NEB: variants seen among roughly 807,000 people sequenced by gnomAD.
NEB encodes the protein nebulin.
A neutral mutation model predicts 952.2 loss-of-function variants in NEB; 512 were observed. The ratio of observed to expected loss-of-function variants is 0.54; its 90% CI spans 0.50 to 0.58. The LOEUF is 0.58. Among genes scored for constraint, NEB ranks in the 20% least tolerant of loss-of-function variants. NEB has a pLI of 0.00. For missense variants in NEB, 8,428 were observed against 9,231.1 expected, an observed-to-expected ratio of 0.91 and a Z score of 3.56; for synonymous variants, 2,900 against 3,149.8, an observed-to-expected ratio of 0.92 and a Z score of 2.66.
intron 161 of NEB, among the ~76,000 whole-genome samples, chr2:151,512,019 C>CTTTTTTTTTTTT (rs71403173): frequency 8.5e-5 from 8 of 93,584 alleles, no homozygotes; most frequent in South Asian, 3.7e-4. Flanking sequence ...CCCTCTCACT[C>CTTTTTTTTTTTT]TTTTTTTTTT....
intron 142 of NEB, 123 bp from the exon 143 acceptor site, chr2:151,533,669 A>T: frequency 1.6e-6 from 1 of 636,940 alleles, no homozygotes. Context: ...GTACTCACAT[A>T]TGTGCGGGTG....
chr2:151,702,212 T>C (rs1003877332), intron 13 of NEB, among the ~76,000 whole-genome samples: 4 of 151,516 alleles, frequency 2.6e-5, no homozygotes, highest in African/African-American at 9.7e-5. Flanking sequence ...CTAGTTTGAT[T>C]GCACTGTGGT....
intron 41 of NEB, 74 bp downstream of exon 41, chr2:151,666,016 G>T: frequency 7.0e-7 from 1 of 1,431,852 alleles, no homozygotes. Flanking sequence ...GCCAGGTGTG[G>T]GATGGAGTAA....
At chr2:151,558,951 A>G (rs568248456) in intron 124 of NEB, among the ~76,000 whole-genome samples, 6 of 152,128 alleles carry the variant, frequency 3.9e-5, no homozygotes, top group Non-Finnish European at 7.4e-5. Context: ...GAATCTAATT[A>G]AACTAAAGAA....
chr2:151,714,889 T>C (rs913570686), intron 10 of NEB, among the ~76,000 whole-genome samples: 1 of 152,220 alleles, frequency 6.6e-6, no homozygotes, highest in Non-Finnish European at 1.5e-5. Flanking sequence ...TTGGCAGCCC[T>C]GTGCCTCCCT....
chr2:151,644,608 C>G, intron 55 of NEB, 33 bp from the exon 56 acceptor site: 1 of 1,525,350 alleles, frequency 6.6e-7, no homozygotes, highest in Non-Finnish European at 9.1e-7. Flanking sequence ...TTGGGAAATA[C>G]TGTTCCCCAT....
chr2:151,684,924 G>C lies in NEB; in HGVS notation c.2689C>G (p.Leu897Val), dbSNP rs1202984397. Residue 897 changes from leucine (L) to valine (V), a missense_variant, in exon 28 of 182, where the codon CTT (leucine) becomes GTT (valine). Coordinates refer to ENST00000397345, the MANE Select transcript of NEB (RefSeq NM_001164508.2). ...EKSKTIYTAP[L>V]DMLQVTQAKK... The stretch of plus-strand genomic sequence containing the variant: ...GCTTGAGTGACTTGGAGCATATCAA[G>C]AGGTGCCGTGTAGATAGTTTTTGAC... 3 of 1,613,000 alleles carry C rather than the reference G, an allele frequency of 1.9e-6. No individual in the cohort carries two copies. Among genetic ancestry groups the C allele is most frequent in the Non-Finnish European group, 2.5e-6 (3 of 1,179,548 alleles).
At position 151,677,640 on chromosome 2, in the gene NEB, G is replaced by A. The variant is rs747472693; in HGVS notation, c.3699C>T (p.Asp1233=). ...CCACAATGCTGGTAAATTTGAGGGT[G>A]TCTGGATGTTGCCTGTACTTCTTTT... ...LNEKKYRQHP[D]TLKFTSIVDS... The change falls in exon 34 of 182, where the codon GAC becomes GAT. Residue 1233 remains aspartate, a synonymous_variant. Transcript: ENST00000397345. 4 of 1,613,858 alleles carry A rather than the reference G, an allele frequency of 2.5e-6. No individual in the cohort carries two copies. Among genetic ancestry groups the A allele is most frequent in the African/African-American group, 1.3e-5 (1 of 74,912 alleles).
chr2:151,635,989 T>A (rs907680667), intron 64 of NEB, among the ~76,000 whole-genome samples: 1 of 152,200 alleles, frequency 6.6e-6, no homozygotes, highest in Non-Finnish European at 1.5e-5. Context: ...CATGAATGAA[T>A]CTTTCTCTAT....
At chr2:151,517,883 G>A (rs926693955) in intron 156 of NEB, among the ~76,000 whole-genome samples, 4 of 152,104 alleles carry the variant, frequency 2.6e-5, no homozygotes, top group African/African-American at 7.2e-5. Context: ...AACATCATGC[G>A]GTATATGACT....
intron 129 of NEB, among the ~76,000 whole-genome samples, chr2:151,550,083 A>C (rs2095186730): frequency 1.3e-5 from 2 of 152,052 alleles, no homozygotes; most frequent in Non-Finnish European, 2.9e-5. Context: ...CCTGGACAAC[A>C]TAGCAAGATC....
At position 151,548,524 on chromosome 2, in the gene NEB, T is replaced by C. The variant is rs367690280; in HGVS notation, c.20050-109A>G. ...CCTTTATTTGAAAAATTGCTCTTTT[T>C]AAGGATTAAGTATGTAGAAAAGTCA... On this transcript the variant is annotated intron_variant, in intron 130 of 181. Coordinates refer to ENST00000397345, the MANE Select transcript of NEB (RefSeq NM_001164508.2). 357 of 772,162 alleles carry C rather than the reference T, an allele frequency of 4.6e-4. 4 individuals are homozygous for C. In the South Asian group the frequency reaches 5.4e-3, roughly 12 times the overall value. The allele number at this position is 772,162 out of a possible 1,614,324, so 47.8% of individuals were successfully genotyped here. A position where few individuals can be genotyped will look rare whatever the true frequency, so the allele number is the denominator to read the frequency against.
chr2:151,518,972 G>A lies in NEB; in HGVS notation c.22688C>T (p.Ala7563Val), dbSNP rs1413510724. ...MNHVLNTSQL[A>V]SSYQYKKKYE... ...GCAAATGACTGAGCTTACAGAACTG[G>A]CAAGTTGGCTTGTATTCAGGACATG... The change falls in exon 155 of 182, where the codon GCC becomes GTC. Residue 7563 changes from alanine to valine, a missense_variant. Ala to Val is a moderately conservative substitution (Grantham distance 64). Transcript: ENST00000397345. 1.9e-6 allele frequency: 3 copies of A among 1,609,448 alleles called. No homozygotes were observed. Among genetic ancestry groups the A allele is most frequent in the Non-Finnish European group, 2.6e-6 (3 of 1,175,972 alleles).
At chr2:151,726,955 T>C (rs1045081247) in intron 5 of NEB, among the ~76,000 whole-genome samples, 11 of 150,680 alleles carry the variant, frequency 7.3e-5, no homozygotes, top group African/African-American at 2.7e-4. Flanking sequence ...GAGACTGAGG[T>C]AGGAGGATTG....
chr2:151,558,755 A>C (rs1161320199), intron 124 of NEB, among the ~76,000 whole-genome samples: 1 of 152,200 alleles, frequency 6.6e-6, no homozygotes, highest in Non-Finnish European at 1.5e-5. Flanking sequence ...ATATGCAGAA[A>C]GCTGAAACTG....
At chr2:151,661,262 T>C (rs996994549) in intron 46 of NEB, among the ~76,000 whole-genome samples, 19 of 152,188 alleles carry the variant, frequency 1.2e-4, no homozygotes, top group African/African-American at 4.6e-4. Flanking sequence ...GTAGTTTAGA[T>C]TTAAATCTTA....
intron 144 of NEB, among the ~76,000 whole-genome samples, 154 bp from the exon 145 acceptor site, chr2:151,531,255 T>A (rs2090572693): frequency 6.6e-6 from 1 of 152,048 alleles, no homozygotes; most frequent in African/African-American, 2.4e-5. Context: ...GACTTCAGTG[T>A]TTCCAGCTGG....
intron 13 of NEB, among the ~76,000 whole-genome samples, chr2:151,704,525 A>G (rs2099695529): frequency 1.3e-5 from 2 of 151,938 alleles, no homozygotes; most frequent in Admixed American, 6.6e-5. Flanking sequence ...CCGTGGGCGT[A>G]GGACCCTCCG....
rs1193324499 is a variant in NEB, at chr2:151,675,305, A to G, written c.3861T>C (p.Asn1287=). 1.3e-6 allele frequency: 2 copies of G among 1,587,960 alleles called. No individual in the cohort carries two copies. The highest frequency in any genetic ancestry group is 1.7e-6 in the Non-Finnish European group (2 of 1,163,512). ...TACTTACGTCACTTATATTGTAAGC[A>G]TTGCACTTGGCCTGGAGAAACTGAG... ...DLPQFLQAKC[N]AYNISDVCYK... is the part of the protein sequence containing the mutation. Residue 1287 remains asparagine, a synonymous_variant, in exon 35 of 182, where the codon AAT becomes AAC. Transcript: ENST00000397345.
Sources: allele counts gnomAD v4.1 joint callset (sites outside exome capture counted in the v4.1 genomes callset), GRCh38; gene constraint gnomAD v4.1.1; transcripts MANE v1.5; gene names NCBI Gene and HGNC (gene_info 2026-07-23, HGNC 2026-07-21).